Variants in MRTFB observed in about 807,000 individuals in gnomAD.
MRTFB encodes the protein myocardin-related transcription factor B.
Under a neutral mutation model 104.2 loss-of-function variants are expected in MRTFB, and 29 were observed. The ratio of observed to expected loss-of-function variants is 0.28; its 90% CI spans 0.21 to 0.38. The LOEUF (loss-of-function observed/expected upper bound fraction) is 0.38, where lower values mean the gene tolerates loss of function less well. MRTFB is among the 10% of genes least tolerant of loss of function. The pLI, the probability that MRTFB is intolerant of heterozygous loss-of-function variation, is 1.00. For missense variants in MRTFB, 1,270 were observed against 1,341.6 expected, an observed-to-expected ratio of 0.95 and a Z score of 0.83; for synonymous variants, 535 against 519.5, an observed-to-expected ratio of 1.03 and a Z score of -0.41.
the MRTFB span, among the ~76,000 whole-genome samples, chr16:14,046,424 C>CCT: frequency 6.6e-6 from 1 of 152,134 alleles, no homozygotes; most frequent in Non-Finnish European, 1.5e-5. Flanking sequence ...AATCTCCATC[C>CCT]CTATAAACTC....
At chr16:14,014,020 A>G in the MRTFB span, among the ~76,000 whole-genome samples, 1 of 152,168 alleles carries the variant, frequency 6.6e-6, no homozygotes, top group Non-Finnish European at 1.5e-5. Context: ...TTTTTCGCTT[A>G]GTCGTTTGTC....
chr16:14,208,417 T>G (rs1365693629), intron 3 of MRTFB, among the ~76,000 whole-genome samples: 1 of 152,166 alleles, frequency 6.6e-6, no homozygotes, highest in African/African-American at 2.4e-5. Context: ...GTTTTTGTTT[T>G]AAACCAAAAA....
At chr16:14,131,641 A>AAAT (rs1468763533) in intron 2 of MRTFB, among the ~76,000 whole-genome samples, 2 of 152,174 alleles carry the variant, frequency 1.3e-5, no homozygotes, top group Non-Finnish European at 2.9e-5. Flanking sequence ...CCTATATAAA[A>AAAT]ATGGGTATTT....
chr16:14,058,299 G>A, the MRTFB span, among the ~76,000 whole-genome samples: 2 of 152,170 alleles, frequency 1.3e-5, no homozygotes, highest in African/African-American at 2.4e-5. Flanking sequence ...GGGAAGGGAG[G>A]GAGGATGTGG....
the MRTFB span, among the ~76,000 whole-genome samples, chr16:14,051,356 T>C: frequency 6.6e-6 from 1 of 151,358 alleles, no homozygotes; most frequent in African/African-American, 2.4e-5. Context: ...CATGCATACA[T>C]ACCTATAGGC....
intron 2 of MRTFB, among the ~76,000 whole-genome samples, chr16:14,137,688 C>G (rs1243626502): frequency 1.3e-5 from 2 of 151,956 alleles, no homozygotes; most frequent in Non-Finnish European, 2.9e-5. Context: ...TTTTTGAAGT[C>G]TACTTTATTT....
chr16:14,144,948 C>G (rs1295978854), intron 3 of MRTFB, among the ~76,000 whole-genome samples: 1 of 87,068 alleles, frequency 1.1e-5, no homozygotes, highest in Admixed American at 1.3e-4. Flanking sequence ...GACTCTGTCT[C>G]AAAAAAAAAA....
rs151080919 is a variant in MRTFB, at chr16:14,150,067, C to T, written c.154+9307C>T. Among the ~76,000 whole-genome samples, 44 of 152,264 alleles carry T rather than the reference C, an allele frequency of 2.9e-4. No individual in the cohort carries two copies. The East Asian group carries it at 8.1e-3, about 28-fold the overall frequency. ...GTTTTAATTAACCCAGTCTTGCATGCCTGATGTGAGAATACCATGATGGAG... is the reference window on the plus strand; with the variant it reads ...GTTTTAATTAACCCAGTCTTGCATGTCTGATGTGAGAATACCATGATGGAG... On this transcript the variant is annotated intron_variant, in intron 3 of 16. Transcript: ENST00000571589.
chr16:14,057,597 T>C, the MRTFB span, among the ~76,000 whole-genome samples: 1 of 152,214 alleles, frequency 6.6e-6, no homozygotes, highest in Non-Finnish European at 1.5e-5. Context: ...TATTTTGTTG[T>C]CTGGGACTTG....
chr16:14,238,212 G>T (rs532325812), intron 9 of MRTFB, among the ~76,000 whole-genome samples: 1 of 152,150 alleles, frequency 6.6e-6, no homozygotes, highest in African/African-American at 2.4e-5. Context: ...ACATCCAACA[G>T]TGCACGGGAT....
At chr16:14,150,238 GCT>G (rs775615833) in intron 3 of MRTFB, among the ~76,000 whole-genome samples, 13 of 152,204 alleles carry the variant, frequency 8.5e-5, no homozygotes, top group Non-Finnish European at 1.6e-4. Flanking sequence ...TCATAAGATT[GCT>G]CTGAGGGTTA....
intron 2 of MRTFB, among the ~76,000 whole-genome samples, chr16:14,135,251 T>C (rs892450880): frequency 6.6e-6 from 1 of 152,210 alleles, no homozygotes; most frequent in African/African-American, 2.4e-5. Context: ...ACCTCTTTAA[T>C]CTTTACCTTG....
At chr16:14,167,795 C>T (rs1263847023) in intron 3 of MRTFB, among the ~76,000 whole-genome samples, 1 of 152,106 alleles carries the variant, frequency 6.6e-6, no homozygotes, top group Admixed American at 6.5e-5. Flanking sequence ...AGGTTCATGC[C>T]ACTCTCCTGC....
the MRTFB span, among the ~76,000 whole-genome samples, chr16:14,056,665 T>G: frequency 6.6e-6 from 1 of 152,206 alleles, no homozygotes; most frequent in Non-Finnish European, 1.5e-5. Context: ...GTGTGCTCAC[T>G]GCTAGTGGAG....
intron 3 of MRTFB, among the ~76,000 whole-genome samples, chr16:14,182,707 A>G (rs932720229): frequency 6.6e-6 from 1 of 152,176 alleles, no homozygotes; most frequent in African/African-American, 2.4e-5. Flanking sequence ...AAAGTACAAC[A>G]TGAGTCTGGG....
At chr16:14,250,719 T>C (rs2043217746) in intron 13 of MRTFB, among the ~76,000 whole-genome samples, 1 of 152,126 alleles carries the variant, frequency 6.6e-6, no homozygotes, top group Non-Finnish European at 1.5e-5. Context: ...GAGAACACGT[T>C]GTGGCAGGGG....
chr16:14,021,855 G>T, the MRTFB span, among the ~76,000 whole-genome samples: 1 of 152,152 alleles, frequency 6.6e-6, no homozygotes, highest in African/African-American at 2.4e-5. Flanking sequence ...TATTTTTGCA[G>T]TTGCGAATCG....
At chr16:14,196,710 T>G (rs1050735842) in intron 3 of MRTFB, among the ~76,000 whole-genome samples, 5 of 152,230 alleles carry the variant, frequency 3.3e-5, no homozygotes, top group African/African-American at 1.2e-4. Context: ...ATGTGCACAC[T>G]GTGGAGCTCT....
At chr16:14,050,315 A>G in the MRTFB span, among the ~76,000 whole-genome samples, 1 of 152,196 alleles carries the variant, frequency 6.6e-6, no homozygotes, top group Non-Finnish European at 1.5e-5. Context: ...CAAGCAAGCA[A>G]ACAAATAAAA....
Sources: gnomAD v4.1 joint callset for allele counts (sites outside exome capture counted in the v4.1 genomes callset) on GRCh38, gnomAD v4.1.1 for gene constraint, MANE v1.5 for transcripts, NCBI Gene and HGNC (gene_info 2026-07-23, HGNC 2026-07-21) for gene names.